Variants in NEGR1 observed in about 807,000 individuals in gnomAD.
NEGR1 encodes the protein neuronal growth regulator 1.
A neutral mutation model predicts 40.9 loss-of-function variants in NEGR1; 10 were observed. That is an observed-to-expected ratio of 0.24 (90% CI 0.15 to 0.42). The LOEUF is 0.42. NEGR1 is among the 10% of genes least tolerant of loss of function. The pLI is 1.00. For synonymous variants in NEGR1, 185 were observed against 166.8 expected, an observed-to-expected ratio of 1.11 and a Z score of -0.84; for missense variants, 352 against 438.9, an observed-to-expected ratio of 0.80 and a Z score of 1.77.
At chr1:71,928,449 T>C (rs1167022699) in intron 2 of NEGR1, among the ~76,000 whole-genome samples, 1 of 140,142 alleles carries the variant, frequency 7.1e-6, no homozygotes, top group Non-Finnish European at 1.5e-5. Flanking sequence ...CATATATATG[T>C]ATATATACAC....
At chr1:71,674,525 A>C (rs1302572550) in intron 4 of NEGR1, among the ~76,000 whole-genome samples, 1 of 151,932 alleles carries the variant, frequency 6.6e-6, no homozygotes, top group Non-Finnish European at 1.5e-5. Context: ...AATTCTAGGT[A>C]GTGAATATTT....
chr1:71,537,931 T>C lies in NEGR1; in HGVS notation c.940+54886A>G, dbSNP rs529384136. Among the ~76,000 whole-genome samples the C allele has an allele frequency of 1.1e-3, 165 of 151,766 alleles. 1 individual carries two copies. Among genetic ancestry groups the C allele is most frequent in the African/African-American group, 3.8e-3 (159 of 41,494 alleles). On this transcript the variant is annotated intron_variant, in intron 6 of 6. Coordinates refer to ENST00000357731, the MANE Select transcript of NEGR1 (RefSeq NM_173808.3). ...TGAGATTTTCTTATGGGTCTTATTA[T>C]GTGGAGAATCAGAGTGAGCATGCCA...
At chr1:71,900,356 A>G (rs1260152361) in intron 2 of NEGR1, among the ~76,000 whole-genome samples, 1 of 152,206 alleles carries the variant, frequency 6.6e-6, no homozygotes, top group East Asian at 1.9e-4. Flanking sequence ...GCAAATAAGC[A>G]TATTACTTAA....
chr1:72,075,761 T>A (rs893331234), intron 1 of NEGR1, among the ~76,000 whole-genome samples: 6 of 152,194 alleles, frequency 3.9e-5, no homozygotes, highest in Admixed American at 3.3e-4. Flanking sequence ...CCTGGGTATG[T>A]TGAATATAGA....
chr1:72,240,867 G>A lies in NEGR1; in HGVS notation c.176+41452C>T, dbSNP rs1654709985. Among the ~76,000 whole-genome samples the A allele has an allele frequency of 1.3e-5, 2 of 151,616 alleles. 1 individual carries two copies. Among genetic ancestry groups the A allele is most frequent in the South Asian group, 4.2e-4 (2 of 4,808 alleles). On this transcript the variant is annotated intron_variant, in intron 1 of 6. Coordinates refer to ENST00000357731, the MANE Select transcript of NEGR1 (RefSeq NM_173808.3). ...TGTGAGTTTTGATGATAAATCTGTA[G>A]GTATTAATCTTATAGTACTGATTAG...
chr1:71,887,399 A>G (rs1341273570), intron 2 of NEGR1, among the ~76,000 whole-genome samples: 1 of 152,208 alleles, frequency 6.6e-6, no homozygotes, highest in African/African-American at 2.4e-5. Context: ...CAAAATGTGA[A>G]TATTTTTATT....
chr1:71,529,691 T>C (rs1477955974), intron 6 of NEGR1, among the ~76,000 whole-genome samples: 1 of 151,174 alleles, frequency 6.6e-6, no homozygotes, highest in Non-Finnish European at 1.5e-5. Flanking sequence ...TAAGCATTTT[T>C]AGCTCGATGG....
At chr1:72,233,688 C>A (rs1654455716) in intron 1 of NEGR1, among the ~76,000 whole-genome samples, 1 of 152,106 alleles carries the variant, frequency 6.6e-6, no homozygotes, top group South Asian at 2.1e-4. Flanking sequence ...TATATCCAAT[C>A]CATTATTGAT....
chr1:71,449,685 TCAA>T, intron 6 of NEGR1, among the ~76,000 whole-genome samples: 1 of 152,326 alleles, frequency 6.6e-6, no homozygotes, highest in East Asian at 1.9e-4. Context: ...CACTTAATTC[TCAA>T]CAAGTTTTCA....
chr1:71,452,466 G>C (rs1320712274), intron 6 of NEGR1, among the ~76,000 whole-genome samples: 1 of 152,138 alleles, frequency 6.6e-6, no homozygotes, highest in Non-Finnish European at 1.5e-5. Flanking sequence ...CAAGATAAAA[G>C]GATTGTTTCT....
At chr1:72,153,156 G>A (rs1203404281) in intron 1 of NEGR1, among the ~76,000 whole-genome samples, 1 of 151,626 alleles carries the variant, frequency 6.6e-6, no homozygotes, top group African/African-American at 2.4e-5. Context: ...GAACAAAAAG[G>A]CATCCAACTT....
chr1:72,094,426 T>C (rs1391043384), intron 1 of NEGR1, among the ~76,000 whole-genome samples: 1 of 152,230 alleles, frequency 6.6e-6, no homozygotes. Context: ...CCCTATTCTC[T>C]GTGTTCTTGA....
intron 1 of NEGR1, among the ~76,000 whole-genome samples, chr1:72,078,891 C>T (rs1647865531): frequency 6.6e-6 from 1 of 150,678 alleles, no homozygotes; most frequent in African/African-American, 2.4e-5. Context: ...CTGTCCACCT[C>T]GGCCTCCCAA....
At chr1:71,827,589 T>C (rs912385158) in intron 2 of NEGR1, among the ~76,000 whole-genome samples, 1 of 151,954 alleles carries the variant, frequency 6.6e-6, no homozygotes, top group Non-Finnish European at 1.5e-5. Context: ...ATGTTTTTTA[T>C]TATTGTTCTC....
intron 6 of NEGR1, among the ~76,000 whole-genome samples, chr1:71,480,645 T>C (rs1646848640): frequency 6.6e-6 from 1 of 151,910 alleles, no homozygotes; most frequent in South Asian, 2.1e-4. Flanking sequence ...ATGATGTCTG[T>C]TGTCAGAGAC....
At chr1:71,704,569 T>G (rs1159121238) in intron 3 of NEGR1, among the ~76,000 whole-genome samples, 1 of 151,668 alleles carries the variant, frequency 6.6e-6, no homozygotes, top group Non-Finnish European at 1.5e-5. Context: ...TTTTGAAAAA[T>G]AGAAATTTAT....
intron 2 of NEGR1, among the ~76,000 whole-genome samples, chr1:71,863,169 T>C (rs1660001783): frequency 6.6e-6 from 1 of 152,168 alleles, no homozygotes; most frequent in Non-Finnish European, 1.5e-5. Context: ...TGCAGCATTA[T>C]TCACAACAGC....
chr1:71,407,645 G>A (rs1646286910), intron 6 of NEGR1, 75 bp from the exon 7 acceptor site: 1 of 1,454,410 alleles, frequency 6.9e-7, no homozygotes, highest in African/African-American at 1.4e-5. Context: ...TCAAAAGGTA[G>A]CCAGGTGCAT....
chr1:72,159,755 TATTTAAATAAG>T (rs1447381422), intron 1 of NEGR1, among the ~76,000 whole-genome samples: 1 of 152,146 alleles, frequency 6.6e-6, no homozygotes, highest in Non-Finnish European at 1.5e-5. Flanking sequence ...CGATTACTCA[TATTTAAATAAG>T]ATGTAAAAAG....
Sources: allele counts gnomAD v4.1 joint callset (sites outside exome capture counted in the v4.1 genomes callset), GRCh38; gene constraint gnomAD v4.1.1; transcripts MANE v1.5; gene names NCBI Gene and HGNC (gene_info 2026-07-23, HGNC 2026-07-21).